The following SLC44A5 variants were observed in gnomAD, a reference collection of about 807,000 sequenced individuals.
SLC44A5 encodes choline transporter-like protein 5.
SLC44A5 carries 57 observed loss-of-function variants against 101.8 expected under a neutral mutation model. That is an observed-to-expected ratio of 0.56 (90% CI 0.45 to 0.70). The LOEUF is 0.70. SLC44A5 is among the 30% of genes least tolerant of loss of function. SLC44A5 has a pLI of 0.00. For missense variants in SLC44A5, 737 were observed against 853.1 expected, an observed-to-expected ratio of 0.86 and a Z score of 1.70; for synonymous variants, 281 against 290.9, an observed-to-expected ratio of 0.97 and a Z score of 0.35.
At chr1:75,295,066 G>A (rs763611264) in intron 5 of SLC44A5, among the ~76,000 whole-genome samples, 2 of 152,204 alleles carry the variant, frequency 1.3e-5, no homozygotes, top group Non-Finnish European at 2.9e-5. Flanking sequence ...AAGTAACTAC[G>A]TGAGGTGATA....
At chr1:75,672,767 G>T in the SLC44A5 span, among the ~76,000 whole-genome samples, 1 of 152,088 alleles carries the variant, frequency 6.6e-6, no homozygotes, top group African/African-American at 2.4e-5. Flanking sequence ...CACCTCAGCC[G>T]CAGTAGAATA....
At chr1:75,712,628 T>C in the SLC44A5 span, among the ~76,000 whole-genome samples, 3 of 145,212 alleles carry the variant, frequency 2.1e-5, no homozygotes, top group African/African-American at 7.7e-5. Context: ...GATATAACTT[T>C]TTATAAAAAC....
At chr1:75,720,255 G>A in the SLC44A5 span, 1 of 152,112 alleles carries the variant, frequency 6.6e-6, no homozygotes, top group African/African-American at 2.4e-5. Context: ...TCCATTAAAT[G>A]TTTCTTTTTG....
intron 2 of SLC44A5, among the ~76,000 whole-genome samples, chr1:75,471,290 G>A (rs1053458158): frequency 3.9e-5 from 6 of 151,930 alleles, no homozygotes; most frequent in African/African-American, 9.7e-5. Flanking sequence ...ATTTTCCTGC[G>A]AGATGGATTG....
At chr1:75,215,441 T>C (rs1458584132) in intron 19 of SLC44A5, among the ~76,000 whole-genome samples, 1 of 152,124 alleles carries the variant, frequency 6.6e-6, no homozygotes, top group Admixed American at 6.6e-5. Flanking sequence ...ATAGATTAAA[T>C]ACTCTTTCTT....
At chr1:75,270,582 T>C (rs1388062238) in intron 6 of SLC44A5, among the ~76,000 whole-genome samples, 1 of 152,016 alleles carries the variant, frequency 6.6e-6, no homozygotes, top group Non-Finnish European at 1.5e-5. Context: ...TAGAGAAATA[T>C]TGGAGAATGT....
intron 13 of SLC44A5, among the ~76,000 whole-genome samples, chr1:75,223,302 G>C (rs1240853528): frequency 6.6e-6 from 1 of 152,098 alleles, no homozygotes; most frequent in Non-Finnish European, 1.5e-5. Flanking sequence ...CATCTGCTCT[G>C]TTCTCAGCCT....
chr1:75,223,465 G>A (rs1056418701), intron 13 of SLC44A5, among the ~76,000 whole-genome samples: 1 of 152,218 alleles, frequency 6.6e-6, no homozygotes, highest in African/African-American at 2.4e-5. Context: ...TTCATTAAAT[G>A]TTTAATAATT....
chr1:75,407,359 A>G (rs1662946975), intron 2 of SLC44A5, among the ~76,000 whole-genome samples: 1 of 152,176 alleles, frequency 6.6e-6, no homozygotes, highest in Non-Finnish European at 1.5e-5. Context: ...GAAAAAAACT[A>G]ACTCAAATTT....
intron 1 of SLC44A5, among the ~76,000 whole-genome samples, chr1:75,603,753 GT>G (rs57844833): frequency 4.8e-4 from 26 of 54,098 alleles, no homozygotes; most frequent in East Asian, 1.0e-3. Flanking sequence ...ATTTTTTCAT[GT>G]TTTTTTTTTT....
intron 1 of SLC44A5, among the ~76,000 whole-genome samples, chr1:75,573,555 T>TTA (rs1360283427): frequency 1.3e-5 from 2 of 152,196 alleles, no homozygotes; most frequent in African/African-American, 2.4e-5. Flanking sequence ...ATGAAAATAT[T>TTA]CCTTAGAGTG....
At chr1:75,444,576 CTTTG>C (rs1004826138) in intron 2 of SLC44A5, among the ~76,000 whole-genome samples, 9 of 149,210 alleles carry the variant, frequency 6.0e-5, no homozygotes, top group Non-Finnish European at 1.0e-4. Context: ...GTTATTTTTG[CTTTG>C]TTTTTTTTTT....
At chr1:75,218,799 C>A in intron 16 of SLC44A5, 47 bp from the exon 17 acceptor site, 1 of 1,537,790 alleles carries the variant, frequency 6.5e-7, no homozygotes, top group South Asian at 1.2e-5. Context: ...AAATATCACT[C>A]CAAGATAACA....
chr1:75,684,676 A>G, the SLC44A5 span, among the ~76,000 whole-genome samples: 3 of 152,184 alleles, frequency 2.0e-5, no homozygotes, highest in African/African-American at 4.8e-5. Context: ...CTGACATAAG[A>G]GGTGGGTTCC....
intron 7 of SLC44A5, among the ~76,000 whole-genome samples, chr1:75,250,214 C>G (rs1649446710): frequency 6.6e-6 from 1 of 152,052 alleles, no homozygotes. Context: ...CATATGTTCT[C>G]ATCATTTAGC....
chr1:75,230,958 G>C (rs1337783416), intron 12 of SLC44A5, among the ~76,000 whole-genome samples: 1 of 152,150 alleles, frequency 6.6e-6, no homozygotes, highest in Non-Finnish European at 1.5e-5. Flanking sequence ...AATTCTTGGA[G>C]ACCTCAATCT....
At chr1:75,473,510 C>T (rs1476463583) in intron 2 of SLC44A5, among the ~76,000 whole-genome samples, 1 of 152,126 alleles carries the variant, frequency 6.6e-6, no homozygotes, top group Non-Finnish European at 1.5e-5. Flanking sequence ...TTGTTTGTTT[C>T]TTGCAGAATT....
At chr1:75,330,770 C>G (rs1466323311) in intron 4 of SLC44A5, among the ~76,000 whole-genome samples, 2 of 152,132 alleles carry the variant, frequency 1.3e-5, no homozygotes, top group African/African-American at 4.8e-5. Context: ...CTCTAATGAA[C>G]TCTTCTTAGT....
At chr1:75,290,036 A>G (rs1171992934) in intron 5 of SLC44A5, among the ~76,000 whole-genome samples, 1 of 152,256 alleles carries the variant, frequency 6.6e-6, no homozygotes, top group Non-Finnish European at 1.5e-5. Flanking sequence ...CACTCATTCA[A>G]TGATTTTGTA....
Sources: allele counts gnomAD v4.1 joint callset (sites outside exome capture counted in the v4.1 genomes callset), GRCh38; gene constraint gnomAD v4.1.1; transcripts MANE v1.5; gene names NCBI Gene and HGNC (gene_info 2026-07-23, HGNC 2026-07-21).